The following NPAT variants were observed in gnomAD, a reference collection of about 807,000 sequenced individuals.
The protein encoded by NPAT is nuclear protein, coactivator of histone transcription, also known as protein NPAT.
A neutral mutation model predicts 130.7 loss-of-function variants in NPAT; 52 were observed. The ratio of observed to expected loss-of-function variants is 0.40; its 90% confidence interval spans 0.32 to 0.50. The LOEUF (loss-of-function observed/expected upper bound fraction) is 0.50, where lower values mean the gene tolerates loss of function less well. Among genes scored for constraint, NPAT ranks in the 20% least tolerant of loss-of-function variants. The pLI is 0.68. For missense variants in NPAT, 1,687 were observed against 1,662.6 expected, an observed-to-expected ratio of 1.01 and a Z score of -0.26; for synonymous variants, 580 against 584.8, an observed-to-expected ratio of 0.99 and a Z score of 0.12.
intron 1 of NPAT, among the ~76,000 whole-genome samples, chr11:108,208,158 ACATTTCCTTTGAG>A (rs2078347123): frequency 6.6e-6 from 1 of 152,112 alleles, no homozygotes; most frequent in Non-Finnish European, 1.5e-5. Context: ...GCTCCAATGA[ACATTTCCTTTGAG>A]GGTCATGTTG....
chr11:108,217,995 G>T (rs1253046781), intron 1 of NPAT, among the ~76,000 whole-genome samples: 1 of 151,990 alleles, frequency 6.6e-6, no homozygotes. Flanking sequence ...TCTGTCTCAA[G>T]AAATAAATAA....
Position 108,158,727 on chromosome 11 carries a change from C to T in NPAT, c.*215G>A. 2.1e-6 allele frequency: 1 copy of T among 484,026 alleles called. No individual in the cohort carries two copies. The highest frequency in any genetic ancestry group is 2.2e-5 in the South Asian group (1 of 44,876). 30.0% of individuals were successfully genotyped at this position (484,026 alleles called of 1,614,324 possible). Reference sequence around the variant, plus strand: ...TTGCAGATTGGCTTTACTTACATTTCTGCAAACGTTTTTCCCAAAATAAAA... The same window carrying T: ...TTGCAGATTGGCTTTACTTACATTTTTGCAAACGTTTTTCCCAAAATAAAA... On this transcript the variant is annotated 3_prime_UTR_variant, in exon 18 of 18. Coordinates refer to ENST00000278612, the MANE Select transcript of NPAT (RefSeq NM_002519.3).
At chr11:108,191,606 C>T (rs2078170063) in intron 4 of NPAT, among the ~76,000 whole-genome samples, 1 of 152,148 alleles carries the variant, frequency 6.6e-6, no homozygotes, top group Non-Finnish European at 1.5e-5. Flanking sequence ...GGGGTAGTCA[C>T]TTATAGCTCT....
Position 108,191,242 on chromosome 11 carries a change from G to A in NPAT, c.291-742C>T, listed in dbSNP as rs113800961. Among the ~76,000 whole-genome samples, 297 of 152,114 alleles carry A rather than the reference G, an allele frequency of 2.0e-3. 1 individual carries two copies. The highest frequency in any genetic ancestry group is 3.4e-3 in the Non-Finnish European group (233 of 67,978). Reference sequence around the variant, plus strand: ...TATATAAATACTTCAGAATCCCCAAGTTGATGTCAGAGGACATCCAGCTTT... The same window carrying A: ...TATATAAATACTTCAGAATCCCCAAATTGATGTCAGAGGACATCCAGCTTT... On this transcript the variant is annotated intron_variant, in intron 4 of 17. Coordinates refer to ENST00000278612, the MANE Select transcript of NPAT (RefSeq NM_002519.3).
intron 1 of NPAT, among the ~76,000 whole-genome samples, chr11:108,213,387 A>ATT (rs2078402825): frequency 2.0e-5 from 3 of 152,352 alleles, no homozygotes; most frequent in African/African-American, 2.4e-5. Flanking sequence ...ACTACCAAAA[A>ATT]TTAAGAATGC....
chr11:108,173,124 T>C lies in NPAT; in HGVS notation c.1860A>G (p.Gln620=). 1 of 1,614,074 alleles carries C rather than the reference T, an allele frequency of 6.2e-7. No individual in the cohort carries two copies. Among genetic ancestry groups the C allele is most frequent in the Non-Finnish European group, 8.5e-7 (1 of 1,179,980 alleles). The change falls in exon 13 of 18, where the codon CAA becomes CAG. Residue 620 remains glutamine, a synonymous_variant. Transcript: ENST00000278612. ...VESSHLNVSG[Q]VEIHLGDSLS... is the part of the protein sequence containing the mutation. The stretch of plus-strand genomic sequence containing the variant: ...GCGAATCTCCAAGATGAATTTCTAC[T>C]TGTCCAGATACATTTAAATGTGAAC...
At chr11:108,176,402 TA>T (rs1268738452) in intron 11 of NPAT, 28 bp from the exon 12 acceptor site, 1 of 1,458,586 alleles carries the variant, frequency 6.9e-7, no homozygotes, top group African/African-American at 1.4e-5. Flanking sequence ...TGGAAATAAT[TA>T]AATGACCAAA....
At chr11:108,201,282 G>A (rs2078273417) in intron 1 of NPAT, among the ~76,000 whole-genome samples, 1 of 152,172 alleles carries the variant, frequency 6.6e-6, no homozygotes, top group South Asian at 2.1e-4. Context: ...GCAACTGAGA[G>A]GATTCTTGGG....
At chr11:108,198,526 G>A (rs1194307426) in intron 1 of NPAT, among the ~76,000 whole-genome samples, 6 of 152,086 alleles carry the variant, frequency 3.9e-5, no homozygotes, top group African/African-American at 9.7e-5. Context: ...TAGGGTACCC[G>A]GTGAAACCCG....
intron 1 of NPAT, among the ~76,000 whole-genome samples, chr11:108,200,166 G>A (rs909475609): frequency 7.2e-5 from 11 of 152,236 alleles, no homozygotes; most frequent in Admixed American, 5.9e-4. Flanking sequence ...TTCCGCCCCC[G>A]CAATCATGTC....
At chr11:108,168,884 G>A (rs576497953) in intron 15 of NPAT, among the ~76,000 whole-genome samples, 124 of 152,250 alleles carry the variant, frequency 8.1e-4, no homozygotes, top group South Asian at 1.7e-3. Context: ...ATGAGATGGA[G>A]AGGTCGAGAG....
rs761086029 is a variant in NPAT, at chr11:108,197,276, T to C, written c.156+26A>G. The C allele has an allele frequency of 2.9e-6, 4 of 1,378,282 alleles. No homozygotes were observed. The Admixed American group carries it at 6.7e-5, about 23-fold the overall frequency. 85.4% of individuals were successfully genotyped at this position (1,378,282 alleles called of 1,614,324 possible). On this transcript the variant is annotated intron_variant, in intron 2 of 17. Transcript: ENST00000278612. ...TTTAGTCTCTTGTGTTGATGAAATA[T>C]TTCCCTTAAGGAACAAATAACTCAC...
rs1591413060 is a variant in NPAT at position 108,204,100 on chromosome 11, T to C, written c.38-6680A>G. 2.6e-5 allele frequency among the ~76,000 whole-genome samples: 4 copies of C among 152,314 alleles called. No individual in the cohort carries two copies. The East Asian group carries it at 7.7e-4, about 29-fold the overall frequency. ...AGCAGAAAGCAGCAATTGTGGTCAT[T>C]GTCCTTATCCTAATGGCAGTTAGAT... On this transcript the variant is annotated intron_variant, in intron 1 of 17. Coordinates refer to ENST00000278612, the MANE Select transcript of NPAT (RefSeq NM_002519.3).
intron 1 of NPAT, among the ~76,000 whole-genome samples, chr11:108,213,136 G>T (rs944514246): frequency 1.3e-5 from 2 of 151,594 alleles, no homozygotes; most frequent in Admixed American, 6.6e-5. Flanking sequence ...AGCTGGGCAA[G>T]GTGATGCATG....
intron 1 of NPAT, among the ~76,000 whole-genome samples, chr11:108,217,212 G>A (rs1376488768): frequency 2.0e-5 from 3 of 152,200 alleles, no homozygotes; most frequent in African/African-American, 7.2e-5. Context: ...TCAACAGAAT[G>A]ACATCCTGCC....
chr11:108,222,370 CCA>C, intron 1 of NPAT, 128 bp downstream of exon 1: 1 of 911,152 alleles, frequency 1.1e-6, no homozygotes. Flanking sequence ...AGAATCACCG[CCA>C]GTCTCAACTC....
chr11:108,172,604 C>T lies in NPAT; in HGVS notation c.2380G>A (p.Glu794Lys). ...AELVKCLSSE[E>K]TVGAVVYAEV... Reference sequence around the variant, plus strand: ...GCATATACAACAGCACCTACAGTTTCTTCTGAAGATAGGCATTTAACTAGT... The same window carrying T: ...GCATATACAACAGCACCTACAGTTTTTTCTGAAGATAGGCATTTAACTAGT... Residue 794 changes from glutamate to lysine, a missense_variant, in exon 13 of 18, where the codon GAA (glutamate) becomes AAA (lysine). By Grantham distance (56) the Glu-to-Lys change is moderately conservative. Coordinates refer to ENST00000278612, the MANE Select transcript of NPAT (RefSeq NM_002519.3). The T allele has an allele frequency of 1.2e-6, 2 of 1,614,174 alleles. No individual in the cohort carries two copies. The highest frequency in any genetic ancestry group is 1.7e-6 in the Non-Finnish European group (2 of 1,180,032).
intron 12 of NPAT, among the ~76,000 whole-genome samples, chr11:108,174,272 A>C (rs2077983382): frequency 6.6e-6 from 1 of 152,046 alleles, no homozygotes; most frequent in South Asian, 2.1e-4. Flanking sequence ...CACCACACCC[A>C]ACTTATCTGA....
At chr11:108,171,908 G>C (rs933142726) in intron 13 of NPAT, 11 of 357,474 alleles carry the variant, frequency 3.1e-5, no homozygotes, top group Middle Eastern at 1.6e-3. Context: ...ACAACTATGT[G>C]ATGAATTAGT....
Sources: gnomAD v4.1 joint callset for allele counts (sites outside exome capture counted in the v4.1 genomes callset) on GRCh38, gnomAD v4.1.1 for gene constraint, MANE v1.5 for transcripts, NCBI Gene and HGNC (gene_info 2026-07-23, HGNC 2026-07-21) for gene names.